Variants in DUSP16 observed in about 807,000 individuals in gnomAD.
The protein encoded by DUSP16 is dual specificity phosphatase 16.
DUSP16 carries 21 observed loss-of-function variants against 58.3 expected under a neutral mutation model. That is an observed-to-expected ratio of 0.36 (90% CI 0.26 to 0.52). The LOEUF is 0.52. Ranked by LOEUF, DUSP16 falls within the 20% of genes least tolerant of loss-of-function variation. The pLI, the probability that DUSP16 is intolerant of heterozygous loss-of-function variation, is 0.94. For synonymous variants in DUSP16, 320 were observed against 323.8 expected (o/e 0.99, Z 0.12); for missense variants, 726 against 819.0 (o/e 0.89, Z 1.39).
intron 1 of DUSP16, among the ~76,000 whole-genome samples, chr12:12,557,912 G>A (rs535136978): frequency 3.9e-5 from 6 of 152,192 alleles, no homozygotes; most frequent in Admixed American, 1.3e-4. Flanking sequence ...TCCGCCTTTC[G>A]CCTCCCCCAC....
intron 5 of DUSP16, among the ~76,000 whole-genome samples, chr12:12,481,606 A>G (rs929484699): frequency 1.2e-4 from 18 of 152,238 alleles, no homozygotes; most frequent in African/African-American, 4.3e-4. Flanking sequence ...ATATAACATA[A>G]TTATTCATCA....
chr12:12,550,264 C>T (rs889405419), intron 1 of DUSP16, among the ~76,000 whole-genome samples: 7 of 138,580 alleles, frequency 5.1e-5, no homozygotes, highest in African/African-American at 1.8e-4. Context: ...CAGAGTGAGA[C>T]TCCGTCTCAA....
At chr12:12,526,514 G>A (rs1944310174) in intron 1 of DUSP16, among the ~76,000 whole-genome samples, 1 of 152,180 alleles carries the variant, frequency 6.6e-6, no homozygotes, top group African/African-American at 2.4e-5. Flanking sequence ...AACAGGTAGG[G>A]CCTGTTTCAA....
At chr12:12,484,628 T>G (rs1943643366) in intron 5 of DUSP16, among the ~76,000 whole-genome samples, 1 of 152,062 alleles carries the variant, frequency 6.6e-6, no homozygotes, top group Non-Finnish European at 1.5e-5. Context: ...TTTTTTTATT[T>G]TTATTTTTTT....
intron 1 of DUSP16, among the ~76,000 whole-genome samples, chr12:12,547,257 C>G (rs1169394104): frequency 6.6e-6 from 1 of 151,738 alleles, no homozygotes; most frequent in Non-Finnish European, 1.5e-5. Flanking sequence ...GGCAAAACCC[C>G]GTCTCTACCA....
intron 3 of DUSP16, among the ~76,000 whole-genome samples, chr12:12,513,402 A>G (rs534382960): frequency 2.6e-5 from 4 of 152,330 alleles, no homozygotes; most frequent in African/African-American, 7.2e-5. Context: ...AGCTATTACA[A>G]AAAGAGCCTT....
chr12:12,512,581 T>G (rs1337605027), intron 3 of DUSP16, among the ~76,000 whole-genome samples: 1 of 152,238 alleles, frequency 6.6e-6, no homozygotes, highest in East Asian at 1.9e-4. Context: ...TTTGTCTTTC[T>G]GTGTCTGGCT....
chr12:12,524,415 G>A (rs542806574), intron 1 of DUSP16, among the ~76,000 whole-genome samples: 3 of 152,346 alleles, frequency 2.0e-5, no homozygotes, highest in South Asian at 4.1e-4. Flanking sequence ...GAGAGGCAGA[G>A]CCCTGCCAAG....
Position 12,476,650 on chromosome 12 carries a change from T to TGATC in DUSP16, c.*179_*182dup, listed in dbSNP as rs1221164683. ...CATTTTTGTTGAGAGAAGTATTAGCTGATCTCTCAAATGCAGATGTTAAGA... is the reference window on the plus strand; with the variant it reads ...CATTTTTGTTGAGAGAAGTATTAGCTGATCGATCTCTCAAATGCAGATGTTAAGA... On this transcript the variant is annotated 3_prime_UTR_variant, in exon 7 of 7. Coordinates refer to ENST00000298573, the MANE Select transcript of DUSP16 (RefSeq NM_030640.3). The TGATC allele has an allele frequency of 1.8e-6, 1 of 552,808 alleles. No homozygotes were observed. Among genetic ancestry groups the TGATC allele is most frequent in the African/African-American group, 1.9e-5 (1 of 51,946 alleles). 34.2% of individuals were successfully genotyped at this position (552,808 alleles called of 1,614,324 possible).
chr12:12,516,352 T>C (rs1453498186), intron 3 of DUSP16, among the ~76,000 whole-genome samples: 1 of 152,262 alleles, frequency 6.6e-6, no homozygotes, highest in Non-Finnish European at 1.5e-5. Context: ...AACAATGCTA[T>C]GGCTTAGTTT....
At chr12:12,496,210 T>G (rs575795487) in intron 4 of DUSP16, among the ~76,000 whole-genome samples, 30 of 152,356 alleles carry the variant, frequency 2.0e-4, no homozygotes, top group African/African-American at 6.0e-4. Context: ...CACTGTATGG[T>G]GTTCTACATA....
At chr12:12,503,088 T>C (rs1156408168) in intron 3 of DUSP16, among the ~76,000 whole-genome samples, 1 of 152,038 alleles carries the variant, frequency 6.6e-6, no homozygotes, top group Non-Finnish European at 1.5e-5. Flanking sequence ...CCCCTCCTAC[T>C]CTAATTTCCT....
chr12:12,554,680 A>AT (rs1431720416), intron 1 of DUSP16: 1 of 151,564 alleles, frequency 6.6e-6, no homozygotes, highest in South Asian at 2.1e-4. Context: ...ATCCATATGT[A>AT]TTTTTAACAC....
chr12:12,529,766 A>G (rs1944359390), intron 1 of DUSP16, among the ~76,000 whole-genome samples: 1 of 152,204 alleles, frequency 6.6e-6, no homozygotes, highest in African/African-American at 2.4e-5. Flanking sequence ...GCTCCCATAT[A>G]TGAGTGAAAT....
Position 12,476,777 on chromosome 12 carries a change from T to A in DUSP16, c.*56A>T. On this transcript the variant is annotated 3_prime_UTR_variant, in exon 7 of 7. Transcript: ENST00000298573. ...ATATATATTTCAGATTTACAGGGAATTTTTTTGTGAACAAGAAAAAAAAAT... is the reference window on the plus strand; with the variant it reads ...ATATATATTTCAGATTTACAGGGAAATTTTTTGTGAACAAGAAAAAAAAAT... 6.8e-7 allele frequency: 1 copy of A among 1,479,406 alleles called. No individual in the cohort carries two copies. Among genetic ancestry groups the A allele is most frequent in the Non-Finnish European group, 9.0e-7 (1 of 1,109,892 alleles). 91.6% of individuals were successfully genotyped at this position (1,479,406 alleles called of 1,614,324 possible). A position where few individuals can be genotyped will look rare whatever the true frequency, so the allele number is the denominator to read the frequency against.
intron 1 of DUSP16, among the ~76,000 whole-genome samples, chr12:12,533,415 C>G (rs535802528): frequency 1.3e-5 from 2 of 152,320 alleles, no homozygotes; most frequent in Admixed American, 1.3e-4. Flanking sequence ...AAGGTTTGAA[C>G]ACATTCCAGG....
At chr12:12,520,045 T>G in intron 2 of DUSP16, 45 bp from the exon 3 acceptor site, 7 of 1,608,612 alleles carry the variant, frequency 4.4e-6, no homozygotes, top group Non-Finnish European at 6.0e-6. Flanking sequence ...GTGAGAAAAG[T>G]AATCTCAAAC....
intron 3 of DUSP16, among the ~76,000 whole-genome samples, chr12:12,505,191 C>T (rs571437716): frequency 1.3e-5 from 2 of 152,184 alleles, no homozygotes; most frequent in South Asian, 2.1e-4. Flanking sequence ...ACCGGAAGAG[C>T]CAGGTTATAA....
intron 4 of DUSP16, among the ~76,000 whole-genome samples, chr12:12,497,868 G>T (rs1413207764): frequency 6.6e-6 from 1 of 152,076 alleles, no homozygotes; most frequent in Non-Finnish European, 1.5e-5. Context: ...TACTCGGGAG[G>T]CTGAGGCAGG....
Sources: gnomAD v4.1 joint callset for allele counts (sites outside exome capture counted in the v4.1 genomes callset) on GRCh38, gnomAD v4.1.1 for gene constraint, MANE v1.5 for transcripts, NCBI Gene and HGNC (gene_info 2026-07-23, HGNC 2026-07-21) for gene names.